RELN: variants seen among roughly 807,000 people sequenced by gnomAD.
The protein encoded by RELN is reelin.
A neutral mutation model predicts 427.6 loss-of-function variants in RELN; 108 were observed. The observed-to-expected ratio is 0.25, with a 90% CI of 0.22 to 0.30. RELN has a LOEUF of 0.30. Among genes scored for constraint, RELN ranks in the 10% least tolerant of loss-of-function variants. RELN has a pLI of 1.00. For synonymous variants in RELN, 1,524 were observed against 1,513.4 expected (o/e 1.01, Z -0.16); for missense variants, 3,715 against 4,302.8 (o/e 0.86, Z 3.82).
Position 103,912,201 on chromosome 7 carries a change from C to CTTTT in RELN, c.337+4870_337+4873dup, listed in dbSNP as rs71923959. ...TTTAATCAAATTTTGTCACTTTAAGCTTTTTTTTTTTTGAGACAGAGTCTT... is the reference window on the plus strand; with the variant it reads ...TTTAATCAAATTTTGTCACTTTAAGCTTTTTTTTTTTTTTTTGAGACAGAGTCTT... On this transcript the variant is annotated intron_variant, in intron 2 of 64. Transcript: ENST00000428762. Among the ~76,000 whole-genome samples the CTTTT allele has an allele frequency of 8.8e-3, 1,278 of 144,478 alleles. 17 individuals carry two copies. Among genetic ancestry groups the CTTTT allele is most frequent in the African/African-American group, 0.03 (1,186 of 39,610 alleles). 94.8% of individuals were successfully genotyped at this position (144,478 alleles called of 152,430 possible). A position where few individuals can be genotyped will look rare whatever the true frequency, so the allele number is the denominator to read the frequency against.
In RELN at chr7:103,553,676, A is replaced by C. The variant is rs2117159627; in HGVS notation, c.5953T>G (p.Ser1985Ala). 2.5e-6 allele frequency: 4 copies of C among 1,614,140 alleles called. No individual in the cohort carries two copies. Among genetic ancestry groups the C allele is most frequent in the Non-Finnish European group, 3.4e-6 (4 of 1,180,008 alleles). Residue 1985 changes from serine to alanine, a missense_variant, in exon 39 of 65, where the codon TCT (serine) becomes GCT (alanine). Around this residue, in one of 4 missense-constraint regions of RELN, gnomAD observed 1,310 missense variants for 1,643.0 expected, o/e 0.80. Coordinates refer to ENST00000428762, the MANE Select transcript of RELN (RefSeq NM_005045.4). ...AATACTTACGGTGCCCCCTTTGAAG[A>C]ATATGGACAATAAAGACCGATGTTA... ...GGNIGLYCPY[S>A]SKGAPEEDSA... is the part of the protein sequence containing the mutation.
chr7:103,791,221 T>C (rs934943716), intron 3 of RELN, among the ~76,000 whole-genome samples: 2 of 152,110 alleles, frequency 1.3e-5, no homozygotes, highest in Non-Finnish European at 2.9e-5. Context: ...CCTCTCAAAA[T>C]CTCAGCTGGG....
chr7:103,491,365 A>T (rs1197289395), intron 58 of RELN, among the ~76,000 whole-genome samples: 2 of 152,170 alleles, frequency 1.3e-5, no homozygotes, highest in Non-Finnish European at 2.9e-5. Context: ...GGACAAATGT[A>T]GTGCTTTGCT....
chr7:103,917,462 T>C (rs1298937717), intron 1 of RELN, among the ~76,000 whole-genome samples: 1 of 152,062 alleles, frequency 6.6e-6, no homozygotes, highest in Non-Finnish European at 1.5e-5. Flanking sequence ...GAAAATAATG[T>C]AATATTGAAT....
At chr7:103,506,835 G>A (rs1829230589) in intron 51 of RELN, among the ~76,000 whole-genome samples, 1 of 152,198 alleles carries the variant, frequency 6.6e-6, no homozygotes, top group Non-Finnish European at 1.5e-5. Flanking sequence ...AAGGGATGGA[G>A]GAATATTTAT....
chr7:103,984,087 A>G (rs1797047620), intron 1 of RELN, among the ~76,000 whole-genome samples: 1 of 152,118 alleles, frequency 6.6e-6, no homozygotes, highest in Non-Finnish European at 1.5e-5. Context: ...ATATGCAACC[A>G]ATCTTAAATA....
rs1834078805 is a variant in RELN at position 103,700,990 on chromosome 7, G to A, written c.822C>T (p.Arg274=). 6.2e-7 allele frequency: 1 copy of A among 1,609,216 alleles called. No individual in the cohort carries two copies. The part of the protein sequence containing the change: ...LQFSIGSGSC[R]FSYSDPSIIV... ...TGATGCTGGGGTCTGAATAACTAAA[G>A]CGACATGAACCTGACCCTGTAAATA... The change falls in exon 9 of 65, where the codon CGC becomes CGT. Residue 274 remains arginine (R), a synonymous_variant. Coordinates refer to ENST00000428762, the MANE Select transcript of RELN (RefSeq NM_005045.4).
rs772550641 is a variant in RELN, at chr7:103,982,738, T to A, written c.226+6393A>T. 2.0e-5 allele frequency among the ~76,000 whole-genome samples: 3 copies of A among 152,222 alleles called. No homozygotes were observed. The South Asian group carries it at 6.2e-4, about 32-fold the overall frequency. ...CCTTATGGTCTACTGTCACTCCTTT[T>A]CAGGTCACTTGGTTTGTGGGCACCA... On this transcript the variant is annotated intron_variant, in intron 1 of 64. Transcript: ENST00000428762.
Position 103,954,025 on chromosome 7 carries a change from G to A in RELN, c.226+35106C>T, listed in dbSNP as rs544005400. Among the ~76,000 whole-genome samples the A allele has an allele frequency of 6.6e-5, 10 of 152,172 alleles. No individual in the cohort carries two copies. The South Asian group carries it at 1.7e-3, about 25-fold the overall frequency. On this transcript the variant is annotated intron_variant, in intron 1 of 64. Transcript: ENST00000428762. ...AACACTTTGGGAGGCAGAGGTGGGT[G>A]GATCACTTGAGGTCAAGAGTTTGAG...
intron 22 of RELN, among the ~76,000 whole-genome samples, chr7:103,606,546 TTCC>T (rs1257990926): frequency 4.0e-5 from 6 of 150,960 alleles, no homozygotes; most frequent in African/African-American, 1.5e-4. Context: ...AATATAATGA[TTCC>T]TCTGCTGGTA....
intron 55 of RELN, 23 bp from the exon 56 acceptor site, chr7:103,496,791 A>G (rs773445162): frequency 6.2e-7 from 1 of 1,612,314 alleles, no homozygotes; most frequent in South Asian, 1.1e-5. Flanking sequence ...ATATACCAAC[A>G]TAGCAATATA....
In RELN at chr7:103,519,386, A is replaced by G. The variant is rs1049778817; in HGVS notation, c.7799T>C (p.Val2600Ala). 16 of 1,613,980 alleles carry G rather than the reference A, an allele frequency of 9.9e-6. No individual in the cohort carries two copies. Among genetic ancestry groups the G allele is most frequent in the Non-Finnish European group, 1.4e-5 (16 of 1,179,966 alleles). ...RNQGVLLEYSVNGGITWNLLM... is the reference protein window; with the variant it reads ...RNQGVLLEYSANGGITWNLLM... ...CAGGTTCCAGGTAATGCCTCCATTGACAGAATATTCCAAGAGAACACCTTG... is the reference window on the plus strand; with the variant it reads ...CAGGTTCCAGGTAATGCCTCCATTGGCAGAATATTCCAAGAGAACACCTTG... The change falls in exon 49 of 65, where the codon GTC (valine) becomes GCC (alanine). Residue 2600 changes from valine (V) to alanine (A), a missense_variant. This residue lies in a region of RELN where 1,310 missense variants were observed against 1,643.0 expected (regional missense o/e 0.80). Coordinates refer to ENST00000428762, the MANE Select transcript of RELN (RefSeq NM_005045.4).
chr7:103,977,490 A>T (rs1040141075), intron 1 of RELN, among the ~76,000 whole-genome samples: 14 of 152,180 alleles, frequency 9.2e-5, no homozygotes, highest in African/African-American at 3.4e-4. Context: ...AGTCCCTTTT[A>T]GGCTAGATCT....
intron 8 of RELN, among the ~76,000 whole-genome samples, chr7:103,706,358 A>T (rs1834200006): frequency 6.6e-6 from 1 of 152,286 alleles, no homozygotes. Flanking sequence ...CATTCAAAGA[A>T]ACCAGAAAAT....
chr7:103,640,552 T>C lies in RELN; in HGVS notation c.2060A>G (p.His687Arg), dbSNP rs755685024. The C allele has an allele frequency of 3.7e-6, 6 of 1,613,748 alleles. No homozygotes were observed. The South Asian group carries it at 5.5e-5, about 15-fold the overall frequency. Residue 687 changes from histidine to arginine, a missense_variant, in exon 17 of 65, where the codon CAT (histidine) becomes CGT (arginine). His to Arg is a conservative substitution (Grantham distance 29). Transcript: ENST00000428762. The surrounding 1 kb of genome is among the most constrained non-coding windows in gnomAD (Gnocchi z 4.1). ...ATTTTAAGATGCTTACTTGCAACCA[T>C]GTCTAGTGCACTGTCCTCTGCCAGA... Reference protein sequence around the residue: ...FCSGRGQCTRHGCKCDPGFSG... With the variant: ...FCSGRGQCTRRGCKCDPGFSG...
At chr7:103,633,941 T>G (rs1447190461) in intron 19 of RELN, among the ~76,000 whole-genome samples, 1 of 152,112 alleles carries the variant, frequency 6.6e-6, no homozygotes, top group East Asian at 1.9e-4. Context: ...TAGCACTAGA[T>G]TTTTACCTGT....
chr7:103,743,550 A>C (rs901337197), intron 6 of RELN, among the ~76,000 whole-genome samples: 68 of 152,238 alleles, frequency 4.5e-4, no homozygotes, highest in African/African-American at 1.6e-3. Context: ...TAGGCTCAAA[A>C]TAAAGGGATG....
Position 103,977,875 on chromosome 7 carries a change from C to T in RELN, c.226+11256G>A, listed in dbSNP as rs1005972728. On this transcript the variant is annotated intron_variant, in intron 1 of 64. Transcript: ENST00000428762. The stretch of plus-strand genomic sequence containing the variant: ...CCAAAATGGCAGCTAATAAAATTTA[C>T]GCTTTTCCAAGTTGGGTCAATTTTC... Among the ~76,000 whole-genome samples, 11 of 152,286 alleles carry T rather than the reference C, an allele frequency of 7.2e-5. No homozygotes were observed. The Middle Eastern group carries it at 0.01, about 141-fold the overall frequency.
rs1796702501 is a variant in RELN at position 103,968,543 on chromosome 7, G to A, written c.226+20588C>T. 6.6e-6 allele frequency among the ~76,000 whole-genome samples: 1 copy of A among 152,046 alleles called. No individual in the cohort carries two copies. On this transcript the variant is annotated intron_variant, in intron 1 of 64. Transcript: ENST00000428762. The surrounding 1 kb of genome is among the most constrained non-coding windows in gnomAD (Gnocchi z 4.3). ...GTAAAAGGTAAGCAAATGTAAAAAA[G>A]AAGAAATTAGATCTCCTCAATGAGA...
Sources: gnomAD v4.1 joint callset for allele counts (sites outside exome capture counted in the v4.1 genomes callset) on GRCh38, gnomAD v4.1.1 for gene constraint, gnomAD v4.1.1 regional missense constraint, Gnocchi (gnomAD v3.1) non-coding constraint, MANE v1.5 for transcripts, NCBI Gene and HGNC (gene_info 2026-07-23, HGNC 2026-07-21) for gene names.